NFATC2: variants seen among roughly 807,000 people sequenced by gnomAD.
NFATC2 encodes the protein nuclear factor of activated T cells 2.
A neutral mutation model predicts 87.3 loss-of-function variants in NFATC2; 22 were observed. The observed-to-expected ratio is 0.25, with a 90% CI of 0.18 to 0.36. NFATC2 has a LOEUF of 0.36. Among genes scored for constraint, NFATC2 ranks in the 10% least tolerant of loss-of-function variants. NFATC2 has a pLI of 1.00. For synonymous variants in NFATC2, 565 were observed against 542.2 expected, an observed-to-expected ratio of 1.04 and a Z score of -0.58; for missense variants, 1,149 against 1,259.1, an observed-to-expected ratio of 0.91 and a Z score of 1.32.
In NFATC2 at chr20:51,400,259, G is replaced by A. The variant is rs981071346; in HGVS notation, c.2723-1529C>T. 1.1e-4 allele frequency among the ~76,000 whole-genome samples: 16 copies of A among 152,272 alleles called. No individual in the cohort carries two copies. In the South Asian group the frequency reaches 1.2e-3, roughly 12 times the overall value. The stretch of plus-strand genomic sequence containing the variant: ...TCTAAAGTTCTGTAATGACCAACAC[G>A]TTGTCACTTTATCCATATCTACTCA... On this transcript the variant is annotated intron_variant, in intron 9 of 10. Transcript: ENST00000371564.
intron 9 of NFATC2, among the ~76,000 whole-genome samples, chr20:51,400,529 C>T (rs147561477): frequency 4.5e-4 from 69 of 152,300 alleles, no homozygotes; most frequent in African/African-American, 1.6e-3. Flanking sequence ...TGTTCTGTCA[C>T]CTTCTCAGAG....
Position 51,529,699 on chromosome 20 carries a change from G to A in NFATC2, c.131-5589C>T, listed in dbSNP as rs191144486. ...CTTGCACGATCTTTGCTCTATCCAT[G>A]TGCCACCAAAAAGTATTTACTTAAT... On this transcript the variant is annotated intron_variant, in intron 1 of 10. Coordinates refer to ENST00000371564, the MANE Select transcript of NFATC2 (RefSeq NM_012340.5). Among the ~76,000 whole-genome samples, 16 of 151,548 alleles carry A rather than the reference G, an allele frequency of 1.1e-4. No homozygotes were observed. The East Asian group carries it at 3.1e-3, about 29-fold the overall frequency.
At chr20:51,397,160 G>A (rs1165525674) in intron 10 of NFATC2, among the ~76,000 whole-genome samples, 2 of 152,112 alleles carry the variant, frequency 1.3e-5, no homozygotes, top group South Asian at 2.1e-4. Context: ...GATTACAGGC[G>A]TGAGCCACCA....
intron 3 of NFATC2, among the ~76,000 whole-genome samples, chr20:51,501,964 C>T (rs1441035668): frequency 6.6e-6 from 1 of 152,194 alleles, no homozygotes; most frequent in Non-Finnish European, 1.5e-5. Context: ...GGCTGTGTAT[C>T]AATAAAACCT....
chr20:51,435,199 G>T lies in NFATC2; in HGVS notation c.2021C>A (p.Thr674Asn). Reference sequence around the variant, plus strand: ...GAAACACTCCTTACCTGGGTGGTAGGTAAAGTGCTGAGGCTGACTTCGTTT... The same window carrying T: ...GAAACACTCCTTACCTGGGTGGTAGTTAAAGTGCTGAGGCTGACTTCGTTT... ...KRKRSQPQHF[T>N]YHPVPAIKTE... The change falls in exon 8 of 11, where the codon ACC becomes AAC. Residue 674 changes from threonine to asparagine, a missense_variant. Physicochemically the swap from Thr to Asn is moderately conservative, Grantham distance 65. This residue lies in a region of NFATC2 where 581 missense variants were observed against 649.7 expected (regional missense o/e 0.89). Coordinates refer to ENST00000371564, the MANE Select transcript of NFATC2 (RefSeq NM_012340.5). 1 of 1,614,158 alleles carries T rather than the reference G, an allele frequency of 6.2e-7. No individual in the cohort carries two copies. The highest frequency in any genetic ancestry group is 1.1e-5 in the South Asian group (1 of 91,088).
intron 9 of NFATC2, among the ~76,000 whole-genome samples, chr20:51,405,611 C>A (rs1188406369): frequency 6.6e-6 from 1 of 152,180 alleles, no homozygotes; most frequent in African/African-American, 2.4e-5. Flanking sequence ...ATCTTGAAAC[C>A]CGTGACATTT....
At chr20:51,539,598 C>G (rs1176205309) in intron 1 of NFATC2, among the ~76,000 whole-genome samples, 3 of 152,186 alleles carry the variant, frequency 2.0e-5, no homozygotes. Flanking sequence ...ATTCTCCTAC[C>G]TAAGCCTCCG....
chr20:51,491,558 G>A (rs1400125214), intron 3 of NFATC2, among the ~76,000 whole-genome samples: 3 of 152,120 alleles, frequency 2.0e-5, no homozygotes, highest in African/African-American at 7.2e-5. Context: ...TGACGATACT[G>A]TATATGGAGC....
chr20:51,542,818 G>C, upstream of NFATC2: 2 of 738,924 alleles, frequency 2.7e-6, no homozygotes, highest in Non-Finnish European at 3.3e-6. Flanking sequence ...GCCACCAGGG[G>C]ACCGGAGGGG....
At position 51,406,659 on chromosome 20, in the gene NFATC2, G is replaced by A. The variant is rs573008269; in HGVS notation, c.2723-7929C>T. Among the ~76,000 whole-genome samples the A allele has an allele frequency of 2.4e-4, 36 of 152,312 alleles. 1 individual carries two copies. Among genetic ancestry groups the A allele is most frequent in the Admixed American group, 1.4e-3 (21 of 15,308 alleles). On this transcript the variant is annotated intron_variant, in intron 9 of 10. Transcript: ENST00000371564. ...AATTCCCACAAACCCACCAGCAACC[G>A]GGGTTTCTAGACCTCACAGAGCCCA...
intron 9 of NFATC2, among the ~76,000 whole-genome samples, chr20:51,416,900 G>A (rs1160736426): frequency 6.6e-6 from 1 of 152,186 alleles, no homozygotes; most frequent in Non-Finnish European, 1.5e-5. Flanking sequence ...AGCGCTGGTT[G>A]AATGTGAGGT....
At chr20:51,404,323 G>A (rs2146251449) in intron 9 of NFATC2, among the ~76,000 whole-genome samples, 1 of 152,280 alleles carries the variant, frequency 6.6e-6, no homozygotes, top group East Asian at 1.9e-4. Context: ...CCCTTTCTGT[G>A]CCTCCTCTGT....
intron 3 of NFATC2, among the ~76,000 whole-genome samples, chr20:51,508,443 G>T (rs1164135641): frequency 6.6e-6 from 1 of 152,134 alleles, no homozygotes; most frequent in African/African-American, 2.4e-5. Context: ...TGGCCCACGG[G>T]TGTACCTGGT....
chr20:51,395,732 T>C (rs549548554), intron 10 of NFATC2, among the ~76,000 whole-genome samples: 16 of 152,218 alleles, frequency 1.1e-4, no homozygotes, highest in African/African-American at 3.9e-4. Flanking sequence ...TTTCAGTATA[T>C]ATGACAAAGT....
At position 51,397,516 on chromosome 20, in the gene NFATC2, C is replaced by T. The variant is rs114292532; in HGVS notation, c.*44+1127G>A. 3.3e-3 allele frequency among the ~76,000 whole-genome samples: 507 copies of T among 152,312 alleles called. 1 individual carries two copies. The highest frequency in any genetic ancestry group is 0.012 in the African/African-American group (484 of 41,568). ...CCCAAGACACACATTAAAAAGGCAT[C>T]GCCCTTCGACAAGTTCCCTGGGGGG... is the stretch of plus-strand genomic sequence containing the variant. On this transcript the variant is annotated intron_variant, in intron 10 of 10. Coordinates refer to ENST00000371564, the MANE Select transcript of NFATC2 (RefSeq NM_012340.5).
intron 10 of NFATC2, 127 bp downstream of exon 10, chr20:51,398,516 C>G (rs543194659): frequency 1.7e-6 from 1 of 605,470 alleles, no homozygotes; most frequent in Non-Finnish European, 2.8e-6. Flanking sequence ...CCCTTAAGAG[C>G]AGGAGAATGA....
chr20:51,473,207 G>A (rs1304283724), intron 5 of NFATC2, among the ~76,000 whole-genome samples: 3 of 152,168 alleles, frequency 2.0e-5, no homozygotes, highest in African/African-American at 4.8e-5. Flanking sequence ...CTGTCTGGGT[G>A]TCCTTATCCT....
intron 9 of NFATC2, among the ~76,000 whole-genome samples, chr20:51,419,206 T>C (rs1980515952): frequency 6.6e-6 from 1 of 152,190 alleles, no homozygotes; most frequent in Non-Finnish European, 1.5e-5. Flanking sequence ...ATTATGATCA[T>C]ATCTATCCTG....
intron 6 of NFATC2, 64 bp downstream of exon 6, chr20:51,454,484 A>G: frequency 6.3e-7 from 1 of 1,588,726 alleles, no homozygotes; most frequent in Non-Finnish European, 8.6e-7. Flanking sequence ...GTTGTATATA[A>G]TAAAGAGATG....
Sources: gnomAD v4.1 joint callset for allele counts (sites outside exome capture counted in the v4.1 genomes callset) on GRCh38, gnomAD v4.1.1 for gene constraint, gnomAD v4.1.1 regional missense constraint, MANE v1.5 for transcripts, NCBI Gene and HGNC (gene_info 2026-07-23, HGNC 2026-07-21) for gene names.